The following TDRD9 variants were observed in gnomAD, a reference collection of about 807,000 sequenced individuals.
The protein encoded by TDRD9 is ATP-dependent RNA helicase TDRD9.
Under a neutral mutation model 172.6 loss-of-function variants are expected in TDRD9, and 124 were observed. That is an observed-to-expected ratio of 0.72 (90% CI 0.62 to 0.83). TDRD9 has a LOEUF of 0.83. Among genes scored for constraint, TDRD9 ranks in the 40% least tolerant of loss-of-function variants. TDRD9 has a pLI of 0.00. For missense variants in TDRD9, 1,479 were observed against 1,714.1 expected, an observed-to-expected ratio of 0.86 and a Z score of 2.42; for synonymous variants, 619 against 617.1, an observed-to-expected ratio of 1.00 and a Z score of -0.05.
At chr14:103,974,995 C>T (rs1306604859) in intron 6 of TDRD9, among the ~76,000 whole-genome samples, 1 of 152,056 alleles carries the variant, frequency 6.6e-6, no homozygotes, top group African/African-American at 2.4e-5. Context: ...TGGTCTTGTA[C>T]TCCTGGGCTC....
At position 103,970,588 on chromosome 14, in the gene TDRD9, C is replaced by T. The variant is rs1479593910; in HGVS notation, c.813C>T (p.Arg271=). Residue 271 remains arginine, a synonymous_variant, in exon 6 of 36, where the codon CGC becomes CGT. Transcript: ENST00000409874. ...EEMDFLLLVV[R]KLLRTNSRFV... is the part of the protein sequence containing the mutation. ...TGGATTTCCTGCTATTGGTAGTCCG[C>T]AAACTCTTAAGAACAAATTCACGTT... 7.1e-6 allele frequency: 11 copies of T among 1,551,480 alleles called. No individual in the cohort carries two copies. The East Asian group carries it at 2.2e-4, about 31-fold the overall frequency.
intron 1 of TDRD9, chr14:103,940,925 T>C (rs767359440): frequency 6.5e-7 from 1 of 1,535,456 alleles, no homozygotes; most frequent in Non-Finnish European, 8.7e-7. Context: ...TTGTCTGCCC[T>C]CTTGGAGCTG....
intron 3 of TDRD9, among the ~76,000 whole-genome samples, chr14:103,963,839 A>T (rs1016801399): frequency 1.3e-5 from 2 of 152,220 alleles, no homozygotes; most frequent in African/African-American, 4.8e-5. Context: ...CCAGTATTCA[A>T]ATTAATTTGT....
intron 1 of TDRD9, among the ~76,000 whole-genome samples, chr14:103,932,747 A>G (rs996417657): frequency 6.6e-6 from 1 of 152,160 alleles, no homozygotes; most frequent in African/African-American, 2.4e-5. Flanking sequence ...TGTTAGAGAT[A>G]GTCACTCAAT....
At chr14:103,936,832 C>G (rs558238336) in intron 1 of TDRD9, among the ~76,000 whole-genome samples, 22 of 152,292 alleles carry the variant, frequency 1.4e-4, no homozygotes, top group African/African-American at 5.3e-4. Flanking sequence ...TGGCTCATGC[C>G]TGTAATCCCA....
intron 9 of TDRD9, among the ~76,000 whole-genome samples, chr14:103,992,940 A>T (rs2152200226): frequency 6.6e-6 from 1 of 151,402 alleles, no homozygotes; most frequent in South Asian, 2.1e-4. Flanking sequence ...AAAAAAAAAA[A>T]AAAAAGAATA....
intron 1 of TDRD9, among the ~76,000 whole-genome samples, chr14:103,952,580 A>C (rs1183815665): frequency 6.6e-6 from 1 of 151,672 alleles, no homozygotes; most frequent in Non-Finnish European, 1.5e-5. Flanking sequence ...AGATTGAAAA[A>C]AATGCAGTTA....
At chr14:104,032,652 T>G (rs1204215212) in intron 30 of TDRD9, among the ~76,000 whole-genome samples, 1 of 152,252 alleles carries the variant, frequency 6.6e-6, no homozygotes, top group Non-Finnish European at 1.5e-5. Flanking sequence ...TTGTTACAAT[T>G]GTTATTCAGC....
At chr14:103,959,888 A>G (rs1036592632) in intron 2 of TDRD9, among the ~76,000 whole-genome samples, 4 of 152,330 alleles carry the variant, frequency 2.6e-5, no homozygotes, top group Admixed American at 2.6e-4. Flanking sequence ...TTGCTTTCAC[A>G]CAACAATTTG....
intron 32 of TDRD9, among the ~76,000 whole-genome samples, chr14:104,039,114 G>A (rs146144620): frequency 1.3e-5 from 2 of 152,146 alleles, no homozygotes; most frequent in Admixed American, 6.5e-5. Context: ...AAGCAAACAC[G>A]TTCTTCTTCA....
intron 7 of TDRD9, among the ~76,000 whole-genome samples, chr14:103,981,146 A>T (rs966728979): frequency 2.6e-5 from 4 of 152,050 alleles, no homozygotes; most frequent in Admixed American, 2.6e-4. Context: ...TCCTCAAGTG[A>T]TCCTCTTGCT....
In TDRD9 at chr14:103,980,182, G is replaced by A. The variant is rs571640893; in HGVS notation, c.1011+4629G>A. ...AGAGATGAGAGATTGTAGAAATAAA[G>A]ACACAAGACAAAGAGATAAAAGAAA... is the stretch of plus-strand genomic sequence containing the variant. On this transcript the variant is annotated intron_variant, in intron 7 of 35. Coordinates refer to ENST00000409874, the MANE Select transcript of TDRD9 (RefSeq NM_153046.3). The surrounding 1 kb of genome is among the most constrained non-coding windows in gnomAD (Gnocchi z 4.5). Among the ~76,000 whole-genome samples, 5 of 152,106 alleles carry A rather than the reference G, an allele frequency of 3.3e-5. No individual in the cohort carries two copies. Among genetic ancestry groups the A allele is most frequent in the African/African-American group, 7.2e-5 (3 of 41,408 alleles).
At chr14:103,951,347 T>C (rs995858607) in intron 1 of TDRD9, among the ~76,000 whole-genome samples, 2 of 152,244 alleles carry the variant, frequency 1.3e-5, no homozygotes, top group Non-Finnish European at 2.9e-5. Context: ...ATTAATGTAT[T>C]TGTTGCTTCC....
intron 24 of TDRD9, among the ~76,000 whole-genome samples, chr14:104,023,245 A>T (rs2035020318): frequency 1.4e-5 from 2 of 142,926 alleles, no homozygotes; most frequent in Admixed American, 1.4e-4. Flanking sequence ...TGTTGAGAGG[A>T]TTGAGTGATA....
At chr14:103,941,571 T>A in intron 1 of TDRD9, 2 of 1,535,396 alleles carry the variant, frequency 1.3e-6, no homozygotes, top group Non-Finnish European at 1.7e-6. Context: ...TATTAATCTC[T>A]CTCGCTCCTT....
At chr14:103,998,344 C>G (rs931598032) in intron 12 of TDRD9, among the ~76,000 whole-genome samples, 1 of 152,086 alleles carries the variant, frequency 6.6e-6, no homozygotes, top group African/African-American at 2.4e-5. Context: ...GAGAACGTTA[C>G]TCTTTCGGGT....
At position 104,022,261 on chromosome 14, in the gene TDRD9, G is replaced by A; in HGVS notation, c.2537G>A (p.Ser846Asn). 6.2e-7 allele frequency: 1 copy of A among 1,613,370 alleles called. No individual in the cohort carries two copies. The highest frequency in any genetic ancestry group is 1.7e-5 in the Admixed American group (1 of 59,958). ...MSQLKVSLEL[S>N]VHSAEEIEGK... ...CAACTAAAAGTTTCACTTGAACTCA[G>A]CGTTCATTCTGCAGAGGAAATTGAA... The change falls in exon 24 of 36, where the codon AGC becomes AAC. Residue 846 changes from serine (S) to asparagine (N), a missense_variant. This residue lies in a region of TDRD9 where 1,413 missense variants were observed against 1,649.1 expected (regional missense o/e 0.86). Coordinates refer to ENST00000409874, the MANE Select transcript of TDRD9 (RefSeq NM_153046.3).
rs745482811 is a variant in TDRD9 at position 104,006,654 on chromosome 14, C to CT, written c.1891dup (p.Ser631PhefsTer18). 36 of 1,613,704 alleles carry CT rather than the reference C, an allele frequency of 2.2e-5. No homozygotes were observed. Among genetic ancestry groups the CT allele is most frequent in the Non-Finnish European group, 3.1e-5 (36 of 1,179,818 alleles). On this transcript the variant is annotated frameshift_variant, in exon 17 of 36. Transcript: ENST00000409874. LOFTEE classifies it high-confidence loss of function. ...TTATTTTTTATGGTTAGCGGCAGCT[C>CT]TTTCTTTGAAGAATTTTTTTGCAAT...
Position 103,980,858 on chromosome 14 carries a change from C to T in TDRD9, c.1011+5305C>T, listed in dbSNP as rs1341612288. ...CCCTGTCCGGGCATAACAGAAGGCTCGCACTCTTGTCTTCTGGTCACTTCT... is the reference window on the plus strand; with the variant it reads ...CCCTGTCCGGGCATAACAGAAGGCTTGCACTCTTGTCTTCTGGTCACTTCT... On this transcript the variant is annotated intron_variant, in intron 7 of 35. Coordinates refer to ENST00000409874, the MANE Select transcript of TDRD9 (RefSeq NM_153046.3). The surrounding 1 kb of genome is among the most constrained non-coding windows in gnomAD (Gnocchi z 4.5). Among the ~76,000 whole-genome samples, 4 of 152,168 alleles carry T rather than the reference C, an allele frequency of 2.6e-5. No homozygotes were observed. Among genetic ancestry groups the T allele is most frequent in the Admixed American group, 6.5e-5 (1 of 15,276 alleles).
Sources: allele counts gnomAD v4.1 joint callset (sites outside exome capture counted in the v4.1 genomes callset), GRCh38; gene constraint gnomAD v4.1.1; regional missense constraint gnomAD v4.1.1; non-coding constraint Gnocchi (gnomAD v3.1); transcripts MANE v1.5; gene names NCBI Gene and HGNC (gene_info 2026-07-23, HGNC 2026-07-21).